ANXA4: variants seen among roughly 807,000 people sequenced by gnomAD.
ANXA4 encodes 35-beta calcimedin.
ANXA4 carries 39 observed loss-of-function variants against 49.8 expected under a neutral mutation model. The observed-to-expected ratio is 0.78, with a 90% confidence interval of 0.61 to 1.02. The LOEUF is 1.02. ANXA4 is among the 50% of genes least tolerant of loss of function. The pLI, the probability that ANXA4 is intolerant of heterozygous loss-of-function variation, is 0.00. For synonymous variants in ANXA4, 134 were observed against 152.5 expected (o/e 0.88, Z 0.89); for missense variants, 360 against 410.1 (o/e 0.88, Z 1.05).
intron 3 of ANXA4, among the ~76,000 whole-genome samples, chr2:69,721,846 A>G (rs1669819328): frequency 6.6e-6 from 1 of 152,170 alleles, no homozygotes. Flanking sequence ...TTTCAGTAAG[A>G]ATGGATATTT....
At position 69,730,888 on chromosome 2, in the gene ANXA4, A is replaced by G. The variant is rs569116757; in HGVS notation, n.864+10017A>G. Among the ~76,000 whole-genome samples, 14 of 152,336 alleles carry G rather than the reference A, an allele frequency of 9.2e-5. 1 individual carries two copies. The highest frequency in any genetic ancestry group is 3.1e-4 in the African/African-American group (13 of 41,574). On this transcript the variant is annotated intron_variant and non_coding_transcript_variant, in intron 3 of 3. Coordinates refer to the ANXA4 transcript ENST00000418066. ...CGGGAGGAGGCACTACTAATGTCAT[A>G]TATTCGCTTTCTCCATCCAGTAGTG...
At chr2:69,730,200 C>G (rs945587894) in intron 3 of ANXA4, among the ~76,000 whole-genome samples, 1 of 151,850 alleles carries the variant, frequency 6.6e-6, no homozygotes, top group Admixed American at 6.6e-5. Flanking sequence ...AAAAAAAATT[C>G]TGTTTTTTAA....
chr2:69,787,596 C>T (rs1672471803), intron 2 of ANXA4, among the ~76,000 whole-genome samples: 1 of 152,160 alleles, frequency 6.6e-6, no homozygotes, highest in African/African-American at 2.4e-5. Context: ...TTGTCTTCCC[C>T]CCACTCCTTG....
chr2:69,647,354 A>AT (rs911885356), intron 1 of ANXA4, among the ~76,000 whole-genome samples: 1 of 151,174 alleles, frequency 6.6e-6, no homozygotes, highest in African/African-American at 2.4e-5. Context: ...GAATTTAAAA[A>AT]ATATATATAT....
intron 3 of ANXA4, among the ~76,000 whole-genome samples, chr2:69,733,717 G>T (rs1440384477): frequency 6.6e-6 from 1 of 151,954 alleles, no homozygotes; most frequent in Admixed American, 6.6e-5. Flanking sequence ...ATAATATTCA[G>T]ATTTGTCCAT....
chr2:69,701,750 C>A (rs988011855), intron 2 of ANXA4, among the ~76,000 whole-genome samples: 3 of 152,162 alleles, frequency 2.0e-5, no homozygotes, highest in African/African-American at 7.2e-5. Context: ...GAAGAGGAAT[C>A]TGGTTATTGT....
At chr2:69,672,421 G>A (rs1677225397) in intron 2 of ANXA4, among the ~76,000 whole-genome samples, 1 of 151,916 alleles carries the variant, frequency 6.6e-6, no homozygotes. Flanking sequence ...TAGTAGAGAT[G>A]GGGTTTTGCC....
chr2:69,724,927 T>TC (rs1206193001), intron 3 of ANXA4, among the ~76,000 whole-genome samples: 1 of 152,352 alleles, frequency 6.6e-6, no homozygotes, highest in East Asian at 1.9e-4. Context: ...GTTTAGCTGA[T>TC]CCCAGCTTCA....
intron 2 of ANXA4, among the ~76,000 whole-genome samples, chr2:69,688,948 G>A (rs550366487): frequency 6.6e-6 from 1 of 152,188 alleles, no homozygotes; most frequent in Non-Finnish European, 1.5e-5. Context: ...CTGGGCTCCA[G>A]TGTTGTCAGC....
At chr2:69,810,195 C>G (rs972208856) in intron 6 of ANXA4, 4 of 188,510 alleles carry the variant, frequency 2.1e-5, no homozygotes, top group African/African-American at 9.3e-5. Flanking sequence ...CCTGTCTGTA[C>G]TAAAAATACA....
chr2:69,751,874 T>G (rs1420407501), intron 1 of ANXA4, among the ~76,000 whole-genome samples: 1 of 152,146 alleles, frequency 6.6e-6, no homozygotes, highest in African/African-American at 2.4e-5. Context: ...AAAGGTGCAT[T>G]TATTTATTAT....
chr2:69,786,078 G>T, intron 2 of ANXA4, among the ~76,000 whole-genome samples: 1 of 152,208 alleles, frequency 6.6e-6, no homozygotes, highest in East Asian at 1.9e-4. Flanking sequence ...AATTCCACTT[G>T]GATATTTAAT....
At chr2:69,816,466 C>G (rs3771536) in intron 9 of ANXA4, 1 of 310,846 alleles carries the variant, frequency 3.2e-6, no homozygotes, top group African/African-American at 2.1e-5. Context: ...ACAGTCAGTC[C>G]TTTTTCTAAA....
At chr2:69,648,883 C>CTTTTTTTTTT (rs199698315) in intron 1 of ANXA4, among the ~76,000 whole-genome samples, 1 of 105,776 alleles carries the variant, frequency 9.5e-6, no homozygotes, top group African/African-American at 3.7e-5. Context: ...TTCTTTCTTT[C>CTTTTTTTTTT]TTTTCTTTTT....
intron 3 of ANXA4, among the ~76,000 whole-genome samples, chr2:69,736,754 A>G: frequency 6.6e-6 from 1 of 152,204 alleles, no homozygotes; most frequent in African/African-American, 2.4e-5. Flanking sequence ...TTGTATGTGT[A>G]TGAGAATCTA....
chr2:69,716,475 G>C (rs1337490537), intron 2 of ANXA4, among the ~76,000 whole-genome samples: 1 of 152,208 alleles, frequency 6.6e-6, no homozygotes, highest in Non-Finnish European at 1.5e-5. Flanking sequence ...CTTGAGCTGA[G>C]ATGTGCAGAG....
chr2:69,776,417 G>A (rs902849849), intron 1 of ANXA4, among the ~76,000 whole-genome samples: 4 of 152,098 alleles, frequency 2.6e-5, no homozygotes, highest in African/African-American at 4.8e-5. Context: ...GGCCATTCTA[G>A]CAAATCCCAC....
chr2:69,786,432 G>T (rs1451625413), intron 2 of ANXA4, among the ~76,000 whole-genome samples: 1 of 151,930 alleles, frequency 6.6e-6, no homozygotes, highest in Non-Finnish European at 1.5e-5. Flanking sequence ...CAGCCCAGGG[G>T]GATCTTTTAA....
At chr2:69,798,448 A>G (rs1326394142) in intron 3 of ANXA4, among the ~76,000 whole-genome samples, 2 of 152,250 alleles carry the variant, frequency 1.3e-5, no homozygotes, top group African/African-American at 2.4e-5. Flanking sequence ...ACACCCAGTC[A>G]GGCAATCAGA....
Sources: allele counts gnomAD v4.1 joint callset (sites outside exome capture counted in the v4.1 genomes callset), GRCh38; gene constraint gnomAD v4.1.1; transcripts MANE v1.5; gene names NCBI Gene and HGNC (gene_info 2026-07-23, HGNC 2026-07-21).